The following ABCD3 variants were observed in gnomAD, a reference collection of about 807,000 sequenced individuals.
ABCD3 encodes ATP-binding cassette sub-family D member 3.
Under a neutral mutation model 105.5 loss-of-function variants are expected in ABCD3, and 41 were observed. The ratio of observed to expected loss-of-function variants is 0.39; its 90% CI spans 0.30 to 0.50. ABCD3 has a LOEUF of 0.50. ABCD3 is among the 20% of genes least tolerant of loss of function. ABCD3 has a pLI of 0.84. For synonymous variants in ABCD3, 258 were observed against 269.0 expected (o/e 0.96, Z 0.40); for missense variants, 622 against 806.3 (o/e 0.77, Z 2.77).
At chr1:94,481,709 C>T (rs1649034588) in intron 9 of ABCD3, 1 of 152,228 alleles carries the variant, frequency 6.6e-6, no homozygotes, top group Admixed American at 6.5e-5. Flanking sequence ...CAGAAAGCTC[C>T]AGAAACAAAA....
At chr1:94,407,625 T>C in the ABCD3 span, among the ~76,000 whole-genome samples, 1 of 152,226 alleles carries the variant, frequency 6.6e-6, no homozygotes, top group Non-Finnish European at 1.5e-5. Flanking sequence ...ATGTGAATAT[T>C]ATCCAGCTCA....
intron 20 of ABCD3, among the ~76,000 whole-genome samples, chr1:94,505,796 T>A (rs546145339): frequency 8.9e-4 from 136 of 152,208 alleles, no homozygotes; most frequent in Non-Finnish European, 1.6e-3. Context: ...GATGGAGTGG[T>A]CTTCTAAAGA....
chr1:94,427,049 C>T (rs1659497184), intron 1 of ABCD3, among the ~76,000 whole-genome samples: 1 of 152,074 alleles, frequency 6.6e-6, no homozygotes, highest in African/African-American at 2.4e-5. Flanking sequence ...TATAATCTTT[C>T]TATTAATTGA....
At chr1:94,432,853 T>C (rs932158300) in intron 1 of ABCD3, among the ~76,000 whole-genome samples, 1 of 8,266 alleles carries the variant, frequency 1.2e-4, no homozygotes, top group Non-Finnish European at 1.5e-3. Context: ...GTTAGGCAAA[T>C]TTTTTTTCTT....
intron 20 of ABCD3, among the ~76,000 whole-genome samples, chr1:94,505,242 C>T (rs992693267): frequency 6.6e-6 from 1 of 152,220 alleles, no homozygotes; most frequent in Non-Finnish European, 1.5e-5. Context: ...GCTGTTTCAG[C>T]CAGGCTGGAG....
chr1:94,410,245 A>G, the ABCD3 span, among the ~76,000 whole-genome samples: 2 of 152,202 alleles, frequency 1.3e-5, no homozygotes, highest in African/African-American at 4.8e-5. Flanking sequence ...ATAGATTCCC[A>G]TAGTACTTTG....
chr1:94,512,201 C>T (rs1169110453), intron 21 of ABCD3, among the ~76,000 whole-genome samples: 2 of 151,952 alleles, frequency 1.3e-5, no homozygotes, highest in South Asian at 2.1e-4. Flanking sequence ...TGTTAGTTTT[C>T]CTTCTGACAG....
At chr1:94,392,328 G>A in the ABCD3 span, among the ~76,000 whole-genome samples, 1 of 152,182 alleles carries the variant, frequency 6.6e-6, no homozygotes, top group Non-Finnish European at 1.5e-5. Context: ...TGCAGATGAA[G>A]CTCCATCAGC....
rs546538094 is a variant in ABCD3 at position 94,457,309 on chromosome 1, T to A, written c.111-1298T>A. Reference sequence around the variant, plus strand: ...AAAATATCGTATAATACAACTGAAATTAGAAATAATAATAATCTACGTGCT... The same window carrying A: ...AAAATATCGTATAATACAACTGAAAATAGAAATAATAATAATCTACGTGCT... On this transcript the variant is annotated intron_variant, in intron 1 of 22. Transcript: ENST00000370214. Among the ~76,000 whole-genome samples the A allele has an allele frequency of 9.8e-5, 15 of 152,302 alleles. No homozygotes were observed. In the South Asian group the frequency reaches 3.1e-3, roughly 32 times the overall value.
chr1:94,386,668 A>C, the ABCD3 span, among the ~76,000 whole-genome samples: 1 of 152,230 alleles, frequency 6.6e-6, no homozygotes, highest in Non-Finnish European at 1.5e-5. Flanking sequence ...TTTGTAGTCA[A>C]TATGAGAATT....
At chr1:94,490,184 A>G (rs1649466672) in intron 15 of ABCD3, among the ~76,000 whole-genome samples, 1 of 152,030 alleles carries the variant, frequency 6.6e-6, no homozygotes, top group Non-Finnish European at 1.5e-5. Flanking sequence ...TTGTGAAATG[A>G]TTACGTTTTG....
At chr1:94,509,838 C>T (rs1328481539) in intron 21 of ABCD3, among the ~76,000 whole-genome samples, 1 of 151,878 alleles carries the variant, frequency 6.6e-6, no homozygotes, top group African/African-American at 2.4e-5. Context: ...GGTGATAATC[C>T]CCTTTATCAT....
At chr1:94,466,823 A>T (rs1648162319) in intron 3 of ABCD3, among the ~76,000 whole-genome samples, 1 of 152,194 alleles carries the variant, frequency 6.6e-6, no homozygotes, top group African/African-American at 2.4e-5. Context: ...GAAACATTGG[A>T]TGAGTCCCTG....
At chr1:94,417,133 C>T (rs1334960645), upstream of ABCD3, among the ~76,000 whole-genome samples, 1 of 152,134 alleles carries the variant, frequency 6.6e-6, no homozygotes, top group Non-Finnish European at 1.5e-5. Flanking sequence ...TTCAGAGGGC[C>T]AAAACCTTTT....
the ABCD3 span, among the ~76,000 whole-genome samples, chr1:94,398,684 C>T: frequency 2.0e-5 from 3 of 152,092 alleles, no homozygotes; most frequent in South Asian, 2.1e-4. Flanking sequence ...GAGGCCAAGG[C>T]GGGCAAATCA....
chr1:94,418,326 G>A (rs72559436), upstream of ABCD3: 342 of 504,596 alleles, frequency 6.8e-4, 3 homozygotes, highest in East Asian at 0.011. Flanking sequence ...CCAGAGCGCG[G>A]GCGGCGCGGC....
chr1:94,447,169 C>A (rs1280024287), intron 1 of ABCD3, among the ~76,000 whole-genome samples: 4 of 152,160 alleles, frequency 2.6e-5, no homozygotes, highest in African/African-American at 9.7e-5. Context: ...ACAATGGCCA[C>A]TAAGTAAAGA....
chr1:94,496,674 G>A lies in ABCD3; in HGVS notation c.1387-1928G>A, dbSNP rs772150946. On this transcript the variant is annotated intron_variant, in intron 16 of 22. Coordinates refer to ENST00000370214, the MANE Select transcript of ABCD3 (RefSeq NM_002858.4). ...ATTCTTCTTTCCTGTTCATTCTTCA[G>A]TAAAATCAGCCTTGTTTCTGTTTTT... 1.0e-3 allele frequency among the ~76,000 whole-genome samples: 113 copies of A among 112,122 alleles called. 1 individual carries two copies. Among genetic ancestry groups the A allele is most frequent in the Middle Eastern group, 6.5e-3 (1 of 154 alleles). 73.6% of individuals were successfully genotyped at this position (112,122 alleles called of 152,430 possible).
chr1:94,454,030 G>A (rs755130728), intron 1 of ABCD3, among the ~76,000 whole-genome samples: 2 of 150,794 alleles, frequency 1.3e-5, no homozygotes, highest in Non-Finnish European at 2.9e-5. Context: ...GATGTATGTG[G>A]TCTATATATA....
Sources: allele counts gnomAD v4.1 joint callset (sites outside exome capture counted in the v4.1 genomes callset), GRCh38; gene constraint gnomAD v4.1.1; transcripts MANE v1.5; gene names NCBI Gene and HGNC (gene_info 2026-07-23, HGNC 2026-07-21).